The following CSMD3 variants were observed in gnomAD, a reference collection of about 807,000 sequenced individuals.
CSMD3 encodes CUB and sushi domain-containing protein 3.
A neutral mutation model predicts 435.2 loss-of-function variants in CSMD3; 177 were observed. The ratio of observed to expected loss-of-function variants is 0.41; its 90% CI spans 0.36 to 0.46. The LOEUF (loss-of-function observed/expected upper bound fraction) is 0.46, where lower values mean the gene tolerates loss of function less well. Among genes scored for constraint, CSMD3 ranks in the 20% least tolerant of loss-of-function variants. CSMD3 has a pLI of 0.34. For missense variants in CSMD3, 4,265 were observed against 4,504.6 expected, an observed-to-expected ratio of 0.95 and a Z score of 1.52; for synonymous variants, 1,656 against 1,520.5, an observed-to-expected ratio of 1.09 and a Z score of -2.07.
At chr8:112,578,434 G>A (rs904730082) in intron 23 of CSMD3, among the ~76,000 whole-genome samples, 1 of 151,758 alleles carries the variant, frequency 6.6e-6, no homozygotes, top group African/African-American at 2.4e-5. Context: ...AGGATGAAGG[G>A]TTTTATGAGG....
chr8:113,153,113 G>GA (rs1462291277), intron 4 of CSMD3, among the ~76,000 whole-genome samples: 920 of 86,122 alleles, frequency 0.011, 18 homozygotes, highest in East Asian at 0.058. Context: ...AAGAAAGAAA[G>GA]AAAGAAAGAA....
chr8:113,235,975 GT>G (rs1319182747), intron 3 of CSMD3, among the ~76,000 whole-genome samples: 1 of 152,100 alleles, frequency 6.6e-6, no homozygotes, highest in Non-Finnish European at 1.5e-5. Context: ...CCAATCACCA[GT>G]CCATCAGCAC....
At chr8:112,391,946 C>T (rs1211395392) in intron 35 of CSMD3, among the ~76,000 whole-genome samples, 1 of 152,106 alleles carries the variant, frequency 6.6e-6, no homozygotes, top group Non-Finnish European at 1.5e-5. Context: ...TGACCTAACT[C>T]ATAACTCTTA....
At chr8:112,830,327 G>T (rs1369795897) in intron 11 of CSMD3, among the ~76,000 whole-genome samples, 2 of 152,062 alleles carry the variant, frequency 1.3e-5, no homozygotes, top group African/African-American at 2.4e-5. Context: ...TTTGGTAAAA[G>T]AATTCCTCAA....
At chr8:112,557,638 A>C (rs1166224739) in intron 24 of CSMD3, among the ~76,000 whole-genome samples, 1 of 151,872 alleles carries the variant, frequency 6.6e-6, no homozygotes, top group Non-Finnish European at 1.5e-5. Context: ...GGGTTCTGAG[A>C]GTTTTCAGAT....
chr8:112,775,192 T>C lies in CSMD3; in HGVS notation c.1972+24970A>G, dbSNP rs549656729. On this transcript the variant is annotated intron_variant, in intron 13 of 70. Coordinates refer to ENST00000297405, the MANE Select transcript of CSMD3 (RefSeq NM_198123.2). ...CATAATATAATATTATTATATGATATATTATCATAATAGAAACTTGTACTA... is the reference window on the plus strand; with the variant it reads ...CATAATATAATATTATTATATGATACATTATCATAATAGAAACTTGTACTA... Among the ~76,000 whole-genome samples, 3 of 151,642 alleles carry C rather than the reference T, an allele frequency of 2.0e-5. No individual in the cohort carries two copies. In the South Asian group the frequency reaches 6.2e-4, roughly 31 times the overall value.
intron 24 of CSMD3, among the ~76,000 whole-genome samples, chr8:112,568,205 T>C (rs568008099): frequency 6.6e-6 from 1 of 152,276 alleles, no homozygotes; most frequent in African/African-American, 2.4e-5. Flanking sequence ...GACTGAGAAA[T>C]TTATTTGGGA....
intron 50 of CSMD3, among the ~76,000 whole-genome samples, chr8:112,308,816 A>G (rs564986837): frequency 1.6e-3 from 241 of 152,196 alleles, no homozygotes; most frequent in African/African-American, 4.2e-3. Flanking sequence ...TTATAGCTCA[A>G]GTAAATGTAT....
intron 6 of CSMD3, among the ~76,000 whole-genome samples, chr8:112,984,788 G>T (rs1005740234): frequency 6.6e-6 from 1 of 152,032 alleles, no homozygotes; most frequent in Non-Finnish European, 1.5e-5. Context: ...TCCAAAAAAT[G>T]CAAATGTTAT....
chr8:112,532,931 C>G (rs773800371), intron 27 of CSMD3, among the ~76,000 whole-genome samples: 18 of 152,020 alleles, frequency 1.2e-4, no homozygotes, highest in Non-Finnish European at 2.4e-4. Context: ...TAAGTTGATA[C>G]AACAAAAAGC....
chr8:113,300,401 A>C (rs1306116911), intron 2 of CSMD3, among the ~76,000 whole-genome samples: 2 of 152,180 alleles, frequency 1.3e-5, no homozygotes, highest in Non-Finnish European at 2.9e-5. Flanking sequence ...TGTTCACTGC[A>C]GTACTATTCC....
At chr8:113,151,070 A>G (rs537369018) in intron 4 of CSMD3, among the ~76,000 whole-genome samples, 1 of 152,146 alleles carries the variant, frequency 6.6e-6, no homozygotes. Flanking sequence ...ATAAATATTT[A>G]GGATAAAATG....
At chr8:112,330,078 C>G (rs1443907435) in intron 45 of CSMD3, among the ~76,000 whole-genome samples, 1 of 151,994 alleles carries the variant, frequency 6.6e-6, no homozygotes, top group Non-Finnish European at 1.5e-5. Flanking sequence ...TTATGTGAGG[C>G]AAAGGGGTCA....
chr8:112,773,256 C>G (rs1315309808), intron 13 of CSMD3, among the ~76,000 whole-genome samples: 1 of 151,890 alleles, frequency 6.6e-6, no homozygotes, highest in Non-Finnish European at 1.5e-5. Context: ...GATTTAGTAT[C>G]CTTGAAAAAG....
intron 32 of CSMD3, among the ~76,000 whole-genome samples, chr8:112,462,011 A>G (rs1817498098): frequency 6.6e-6 from 1 of 152,196 alleles, no homozygotes; most frequent in Admixed American, 6.5e-5. Context: ...TTTTTATTTT[A>G]TATATCAAGA....
intron 32 of CSMD3, among the ~76,000 whole-genome samples, chr8:112,410,628 G>A (rs77533595): frequency 0.014 from 998 of 69,270 alleles, 11 homozygotes; most frequent in Middle Eastern, 0.04. Flanking sequence ...ATATATATGT[G>A]TATATATATG....
intron 35 of CSMD3, among the ~76,000 whole-genome samples, chr8:112,398,461 A>G (rs974150485): frequency 4.6e-5 from 7 of 152,188 alleles, no homozygotes; most frequent in Admixed American, 2.0e-4. Flanking sequence ...TTTTTCCACA[A>G]GGCAATGCTA....
At chr8:113,250,228 A>T (rs1275535337) in intron 3 of CSMD3, among the ~76,000 whole-genome samples, 2 of 152,044 alleles carry the variant, frequency 1.3e-5, no homozygotes, top group African/African-American at 2.4e-5. Flanking sequence ...ACAACAGGTG[A>T]TGGAGGTGGA....
intron 13 of CSMD3, among the ~76,000 whole-genome samples, chr8:112,696,953 C>T (rs555027178): frequency 6.6e-6 from 1 of 152,226 alleles, no homozygotes; most frequent in African/African-American, 2.4e-5. Flanking sequence ...GACATTTATG[C>T]AGCCAACAAA....
Sources: gnomAD v4.1 joint callset for allele counts (sites outside exome capture counted in the v4.1 genomes callset) on GRCh38, gnomAD v4.1.1 for gene constraint, MANE v1.5 for transcripts, NCBI Gene and HGNC (gene_info 2026-07-23, HGNC 2026-07-21) for gene names.